The following SMOC2 variants were observed in gnomAD, a reference collection of about 807,000 sequenced individuals.
The protein encoded by SMOC2 is SPARC related modular calcium binding 2.
In SMOC2, 39 loss-of-function variants were observed where a neutral mutation model predicts 61.4. That is an observed-to-expected ratio of 0.64 (90% confidence interval 0.49 to 0.83). SMOC2 has a LOEUF of 0.83. Ranked by LOEUF, SMOC2 falls within the 40% of genes least tolerant of loss-of-function variation. The pLI is 0.00. For missense variants in SMOC2, 556 were observed against 592.9 expected (o/e 0.94, Z 0.65); for synonymous variants, 247 against 239.9 (o/e 1.03, Z -0.27).
chr6:168,595,885 A>G (rs1329738842), intron 7 of SMOC2, among the ~76,000 whole-genome samples: 1 of 152,250 alleles, frequency 6.6e-6, no homozygotes, highest in African/African-American at 2.4e-5. Flanking sequence ...TTTGAGAACA[A>G]TTTCTATAGA....
chr6:168,658,441 G>T (rs551555749), intron 11 of SMOC2, among the ~76,000 whole-genome samples: 1 of 152,146 alleles, frequency 6.6e-6, no homozygotes, highest in East Asian at 1.9e-4. Flanking sequence ...GGTGGTGCAG[G>T]CTGGTCTTCT....
At chr6:168,559,981 C>T (rs1252231519) in intron 7 of SMOC2, among the ~76,000 whole-genome samples, 3 of 152,322 alleles carry the variant, frequency 2.0e-5, no homozygotes, top group Middle Eastern at 3.4e-3. Flanking sequence ...AATGTTCATG[C>T]ATTTGCTGAG....
In SMOC2 at chr6:168,513,647, A is replaced by T. The variant is rs118128995; in HGVS notation, c.256+3561A>T. Among the ~76,000 whole-genome samples the T allele has an allele frequency of 6.0e-3, 921 of 152,336 alleles. 3 individuals carry two copies. Among genetic ancestry groups the T allele is most frequent in the Non-Finnish European group, 0.01 (696 of 68,030 alleles). Reference sequence around the variant, plus strand: ...TTCAATAAGTCCTGACATTTACTTGATATTAATACATTCAGTAAATTGGCG... The same window carrying T: ...TTCAATAAGTCCTGACATTTACTTGTTATTAATACATTCAGTAAATTGGCG... On this transcript the variant is annotated intron_variant, in intron 2 of 12. Coordinates refer to ENST00000356284, the MANE Select transcript of SMOC2 (RefSeq NM_001166412.2).
intron 9 of SMOC2, among the ~76,000 whole-genome samples, chr6:168,649,119 G>A (rs1173558703): frequency 1.3e-5 from 2 of 152,182 alleles, no homozygotes; most frequent in Admixed American, 6.5e-5. Context: ...TTCCTCTGAG[G>A]GCCACGGGGA....
intron 2 of SMOC2, among the ~76,000 whole-genome samples, chr6:168,512,936 G>A (rs1783042835): frequency 6.6e-6 from 1 of 152,164 alleles, no homozygotes; most frequent in African/African-American, 2.4e-5. Flanking sequence ...GTGTGGAAGT[G>A]AAAGATCTAT....
intron 7 of SMOC2, among the ~76,000 whole-genome samples, chr6:168,566,130 G>A (rs2115133590): frequency 1.3e-5 from 2 of 152,292 alleles, no homozygotes; most frequent in Admixed American, 1.3e-4. Context: ...CTATGGCAAT[G>A]CGTCTACCAC....
chr6:168,478,638 C>T lies in SMOC2; in HGVS notation c.85-31277C>T, dbSNP rs9455651. ...CTCAAACAGCACAGCTTCCCAGCTT[C>T]CTTAGAGTCCCATGTGCTGCCATGG... On this transcript the variant is annotated intron_variant, in intron 1 of 12. Transcript: ENST00000356284. 4.1e-3 allele frequency among the ~76,000 whole-genome samples: 632 copies of T among 152,326 alleles called. 7 individuals are homozygous for T. The highest frequency in any genetic ancestry group is 0.014 in the African/African-American group (593 of 41,566).
intron 7 of SMOC2, among the ~76,000 whole-genome samples, chr6:168,585,887 G>T (rs1443990610): frequency 6.6e-6 from 1 of 152,220 alleles, no homozygotes; most frequent in African/African-American, 2.4e-5. Context: ...GTTGTTTATA[G>T]CACCTGGAGT....
chr6:168,614,177 G>C (rs1161004129), intron 9 of SMOC2, among the ~76,000 whole-genome samples: 1 of 55,986 alleles, frequency 1.8e-5, no homozygotes, highest in East Asian at 6.0e-4. Context: ...AGCACAGGGG[G>C]CCTCTTCACA....
intron 3 of SMOC2, 30 bp downstream of exon 3, chr6:168,526,482 C>G (rs1219752076): frequency 6.3e-7 from 1 of 1,580,374 alleles, no homozygotes; most frequent in Non-Finnish European, 8.7e-7. Flanking sequence ...AGGTTCTGCA[C>G]CTGTGCGATT....
rs189152750 is a variant in SMOC2 at position 168,493,229 on chromosome 6, G to T, written c.85-16686G>T. Among the ~76,000 whole-genome samples, 582 of 152,112 alleles carry T rather than the reference G, an allele frequency of 3.8e-3. 2 individuals are homozygous for T. Among genetic ancestry groups the T allele is most frequent in the Non-Finnish European group, 5.7e-3 (386 of 68,002 alleles). On this transcript the variant is annotated intron_variant, in intron 1 of 12. Coordinates refer to ENST00000356284, the MANE Select transcript of SMOC2 (RefSeq NM_001166412.2). ...TTTTTGTACTTTTAGTAGAGACGAG[G>T]TTCCACCATATTGGTCAGGCTGGTC...
At chr6:168,579,552 G>C (rs1784879245) in intron 7 of SMOC2, among the ~76,000 whole-genome samples, 1 of 152,222 alleles carries the variant, frequency 6.6e-6, no homozygotes, top group East Asian at 1.9e-4. Context: ...ATCTGACAGA[G>C]AATAAAGTCG....
At chr6:168,556,783 C>T (rs1272379421) in intron 7 of SMOC2, among the ~76,000 whole-genome samples, 1 of 136,596 alleles carries the variant, frequency 7.3e-6, no homozygotes, top group East Asian at 2.4e-4. Context: ...TGATATTCCC[C>T]TTCCTGTGTC....
intron 7 of SMOC2, among the ~76,000 whole-genome samples, chr6:168,587,465 G>A (rs1003240516): frequency 2.0e-5 from 3 of 152,244 alleles, no homozygotes; most frequent in African/African-American, 7.2e-5. Flanking sequence ...TGTGTAAGAA[G>A]TACATTGGTT....
intron 11 of SMOC2, among the ~76,000 whole-genome samples, chr6:168,663,738 A>G (rs1787581014): frequency 6.6e-6 from 1 of 152,252 alleles, no homozygotes; most frequent in Non-Finnish European, 1.5e-5. Context: ...AAAATGTAGT[A>G]TAGCAAGTAT....
intron 7 of SMOC2, among the ~76,000 whole-genome samples, chr6:168,577,715 C>A (rs559113132): frequency 6.6e-6 from 1 of 152,296 alleles, no homozygotes; most frequent in South Asian, 2.1e-4. Context: ...ACTTTCGAAT[C>A]TGGTTTAGAG....
At chr6:168,543,242 G>C (rs1389866293) in intron 4 of SMOC2, among the ~76,000 whole-genome samples, 1 of 152,080 alleles carries the variant, frequency 6.6e-6, no homozygotes. Flanking sequence ...AGTTATCTTT[G>C]GTTGTGTAAT....
intron 1 of SMOC2, among the ~76,000 whole-genome samples, chr6:168,500,635 T>G (rs1782706125): frequency 6.6e-6 from 1 of 152,112 alleles, no homozygotes; most frequent in African/African-American, 2.4e-5. Flanking sequence ...ACAACACTCT[T>G]CACTGAGCTG....
rs9456116 is a variant in SMOC2, at chr6:168,455,907, G to A, written c.84+14453G>A. On this transcript the variant is annotated intron_variant, in intron 1 of 12. Transcript: ENST00000356284. ...TTAGAGGACTAGGGTGACCCGCTCC[G>A]TGAATCCATGCAAACGTCTGGGCGG... 4.5e-3 allele frequency among the ~76,000 whole-genome samples: 688 copies of A among 152,352 alleles called. 7 individuals are homozygous for A. The highest frequency in any genetic ancestry group is 0.014 in the African/African-American group (602 of 41,568).
Sources: allele counts gnomAD v4.1 joint callset (sites outside exome capture counted in the v4.1 genomes callset), GRCh38; gene constraint gnomAD v4.1.1; transcripts MANE v1.5; gene names NCBI Gene and HGNC (gene_info 2026-07-23, HGNC 2026-07-21).